The following STK39 variants were observed in gnomAD, a reference collection of about 807,000 sequenced individuals.
STK39 encodes the protein STE20/SPS1-related proline-alanine-rich protein kinase.
In STK39, 20 loss-of-function variants were observed where a neutral mutation model predicts 77.8. The observed-to-expected ratio is 0.26, with a 90% confidence interval of 0.18 to 0.37. The LOEUF (loss-of-function observed/expected upper bound fraction) is 0.37, where lower values mean the gene tolerates loss of function less well. Ranked by LOEUF, STK39 falls within the 10% of genes least tolerant of loss-of-function variation. The pLI is 1.00. For synonymous variants in STK39, 246 were observed against 234.1 expected (o/e 1.05, Z -0.47); for missense variants, 479 against 656.5 (o/e 0.73, Z 2.95).
intron 10 of STK39, among the ~76,000 whole-genome samples, chr2:168,092,805 G>A (rs992643698): frequency 2.6e-5 from 4 of 151,938 alleles, no homozygotes; most frequent in East Asian, 1.9e-4. Context: ...TCCAATGGCC[G>A]CATTGTAGAT....
intron 14 of STK39, among the ~76,000 whole-genome samples, chr2:168,028,446 C>A (rs1684756187): frequency 6.6e-6 from 1 of 152,114 alleles, no homozygotes; most frequent in Non-Finnish European, 1.5e-5. Flanking sequence ...AGCAAGCAGT[C>A]CTTTTCAGCA....
intron 10 of STK39, among the ~76,000 whole-genome samples, chr2:168,124,360 C>T (rs989423897): frequency 2.4e-4 from 36 of 152,010 alleles, no homozygotes; most frequent in Non-Finnish European, 5.9e-5. Context: ...TGCATAGCTA[C>T]GAGCCCCTTG....
chr2:168,195,270 C>G (rs1272076197), intron 1 of STK39, among the ~76,000 whole-genome samples: 1 of 152,122 alleles, frequency 6.6e-6, no homozygotes, highest in Non-Finnish European at 1.5e-5. Flanking sequence ...CATGGTGGCA[C>G]ATACCTGTAG....
At chr2:168,039,770 A>T (rs1685057024) in intron 14 of STK39, among the ~76,000 whole-genome samples, 2 of 152,234 alleles carry the variant, frequency 1.3e-5, no homozygotes, top group African/African-American at 4.8e-5. Flanking sequence ...AATTCATCAA[A>T]CATACTGTAC....
intron 17 of STK39, among the ~76,000 whole-genome samples, chr2:167,960,024 C>G (rs887306125): frequency 6.6e-6 from 1 of 152,174 alleles, no homozygotes; most frequent in African/African-American, 2.4e-5. Flanking sequence ...CACGCTACCC[C>G]AAAATATGCC....
chr2:168,025,522 TAAGTA>T (rs1684673032), intron 14 of STK39, among the ~76,000 whole-genome samples: 1 of 152,146 alleles, frequency 6.6e-6, no homozygotes, highest in East Asian at 1.9e-4. Flanking sequence ...AATGACTGAA[TAAGTA>T]AAGAGTATTT....
At chr2:168,217,524 A>G (rs377043691) in intron 1 of STK39, among the ~76,000 whole-genome samples, 1 of 152,198 alleles carries the variant, frequency 6.6e-6, no homozygotes, top group East Asian at 1.9e-4. Flanking sequence ...CCCACTTCCC[A>G]CAAAAGAAAA....
intron 1 of STK39, among the ~76,000 whole-genome samples, chr2:168,210,473 C>T (rs764011924): frequency 1.3e-5 from 2 of 152,182 alleles, no homozygotes; most frequent in African/African-American, 2.4e-5. Flanking sequence ...AAGCTGCACA[C>T]ACATCAAGAC....
At chr2:167,998,120 T>C (rs1035875303) in intron 16 of STK39, among the ~76,000 whole-genome samples, 1 of 151,666 alleles carries the variant, frequency 6.6e-6, no homozygotes, top group African/African-American at 2.4e-5. Context: ...TAAAAAAAAA[T>C]AAAGGAATGA....
chr2:168,180,336 G>A (rs776222008), intron 2 of STK39, among the ~76,000 whole-genome samples: 1 of 151,356 alleles, frequency 6.6e-6, no homozygotes, highest in East Asian at 2.1e-4. Flanking sequence ...AACAGAGTGA[G>A]ACTCTGTCTC....
At chr2:168,171,045 G>A (rs6740826) in intron 2 of STK39, among the ~76,000 whole-genome samples, 25,682 of 152,142 alleles carry the variant, frequency 0.17, 2,752 homozygotes, top group African/African-American at 0.3. Flanking sequence ...TGGAAACCGA[G>A]GAAATGAGAC....
At chr2:168,120,918 C>G (rs562960853) in intron 10 of STK39, among the ~76,000 whole-genome samples, 3 of 152,284 alleles carry the variant, frequency 2.0e-5, no homozygotes, top group Non-Finnish European at 4.4e-5. Context: ...TTGCTAGAAC[C>G]CTGGCAAACT....
chr2:168,227,969 C>A (rs1690350402), intron 1 of STK39, among the ~76,000 whole-genome samples: 1 of 152,118 alleles, frequency 6.6e-6, no homozygotes, highest in African/African-American at 2.4e-5. Flanking sequence ...AACGATTTTT[C>A]TACCAATCAA....
At chr2:168,214,165 C>T (rs1689965215) in intron 1 of STK39, among the ~76,000 whole-genome samples, 1 of 151,996 alleles carries the variant, frequency 6.6e-6, no homozygotes, top group Non-Finnish European at 1.5e-5. Context: ...GAGCCTCAAG[C>T]CTCATCTGCA....
chr2:168,073,477 T>C (rs548957322), intron 12 of STK39, among the ~76,000 whole-genome samples: 6 of 152,252 alleles, frequency 3.9e-5, no homozygotes, highest in African/African-American at 1.2e-4. Context: ...GCACCTTAGA[T>C]AAAATGAGAG....
chr2:168,147,568 C>A (rs1255289072), intron 5 of STK39, among the ~76,000 whole-genome samples: 1 of 150,808 alleles, frequency 6.6e-6, no homozygotes, highest in Non-Finnish European at 1.5e-5. Flanking sequence ...AGTGGTGCAG[C>A]ACCTACTTAT....
intron 10 of STK39, among the ~76,000 whole-genome samples, chr2:168,088,276 C>T (rs138493466): frequency 3.0e-4 from 46 of 152,078 alleles, no homozygotes; most frequent in African/African-American, 1.1e-3. Context: ...TACTAACTGC[C>T]CTAAAGATAC....
Position 168,211,341 on chromosome 2 carries a change from CAT to C in STK39, c.209-29253_209-29252del, listed in dbSNP as rs568416131. Among the ~76,000 whole-genome samples the C allele has an allele frequency of 1.6e-3, 237 of 152,286 alleles. 2 individuals are homozygous for C. Among genetic ancestry groups the C allele is most frequent in the Admixed American group, 0.012 (187 of 15,290 alleles). ...GAGTGACTGTTCTTCATTTCAAACA[CAT>C]GAGTCAAGAGGAAGTAGTAGTAATT... On this transcript the variant is annotated intron_variant, in intron 1 of 17. Transcript: ENST00000355999.
chr2:168,108,646 T>A (rs1687043865), intron 10 of STK39, among the ~76,000 whole-genome samples: 2 of 152,152 alleles, frequency 1.3e-5, no homozygotes, highest in Admixed American at 1.3e-4. Flanking sequence ...ATAAAGGTCA[T>A]TCCCCCCTTC....
Sources: allele counts gnomAD v4.1 joint callset (sites outside exome capture counted in the v4.1 genomes callset), GRCh38; gene constraint gnomAD v4.1.1; transcripts MANE v1.5; gene names NCBI Gene and HGNC (gene_info 2026-07-23, HGNC 2026-07-21).